The following DGKB variants were observed in gnomAD, a reference collection of about 807,000 sequenced individuals.
DGKB encodes diacylglycerol kinase beta, also known as 90 kDa diacylglycerol kinase.
DGKB carries 67 observed loss-of-function variants against 114.3 expected under a neutral mutation model. The observed-to-expected ratio is 0.59, with a 90% CI of 0.48 to 0.72. The LOEUF (loss-of-function observed/expected upper bound fraction) is 0.72. DGKB is among the 30% of genes least tolerant of loss of function. The pLI is 0.00. For synonymous variants in DGKB, 398 were observed against 323.1 expected, an observed-to-expected ratio of 1.23 and a Z score of -2.49; for missense variants, 907 against 975.2, an observed-to-expected ratio of 0.93 and a Z score of 0.93.
chr7:14,923,918 C>T (rs1164169980), intron 1 of DGKB, among the ~76,000 whole-genome samples: 3 of 143,564 alleles, frequency 2.1e-5, no homozygotes, highest in African/African-American at 8.1e-5. Context: ...TCTCTTGAAC[C>T]CGGGAGGCGG....
At chr7:14,193,763 A>G (rs1191133396) in intron 23 of DGKB, among the ~76,000 whole-genome samples, 1 of 151,854 alleles carries the variant, frequency 6.6e-6, no homozygotes, top group African/African-American at 2.4e-5. Flanking sequence ...TAACCTAGCA[A>G]ATGGGAGAAA....
intron 21 of DGKB, among the ~76,000 whole-genome samples, chr7:14,450,814 G>A (rs1018931201): frequency 2.6e-5 from 4 of 151,992 alleles, no homozygotes; most frequent in African/African-American, 9.6e-5. Flanking sequence ...TAGGTTGGAG[G>A]AAAAAAGCAC....
At chr7:14,665,151 TG>T (rs1490240118) in intron 13 of DGKB, among the ~76,000 whole-genome samples, 3 of 151,908 alleles carry the variant, frequency 2.0e-5, no homozygotes, top group Non-Finnish European at 2.9e-5. Flanking sequence ...GATATTGATA[TG>T]AAAAAAAGGC....
intron 14 of DGKB, among the ~76,000 whole-genome samples, chr7:14,626,813 T>C (rs568497852): frequency 6.6e-6 from 1 of 152,194 alleles, no homozygotes; most frequent in African/African-American, 2.4e-5. Flanking sequence ...CGATATAAGG[T>C]CTAAAGATTT....
At chr7:14,298,656 C>T (rs935368431) in intron 23 of DGKB, among the ~76,000 whole-genome samples, 1 of 152,124 alleles carries the variant, frequency 6.6e-6, no homozygotes, top group African/African-American at 2.4e-5. Flanking sequence ...ACTAAAACAC[C>T]AAAAGCAATG....
At chr7:14,768,740 G>C (rs755050456) in intron 2 of DGKB, among the ~76,000 whole-genome samples, 3 of 151,902 alleles carry the variant, frequency 2.0e-5, no homozygotes, top group Non-Finnish European at 4.4e-5. Context: ...AAAAATTTAG[G>C]GGAGGAGAAC....
At chr7:14,781,182 G>T (rs1839034627) in intron 2 of DGKB, among the ~76,000 whole-genome samples, 1 of 152,116 alleles carries the variant, frequency 6.6e-6, no homozygotes, top group Admixed American at 6.5e-5. Context: ...TTGAGCAAGG[G>T]GCCGACTAAC....
At chr7:14,772,315 C>T (rs1837538503) in intron 2 of DGKB, among the ~76,000 whole-genome samples, 1 of 151,944 alleles carries the variant, frequency 6.6e-6, no homozygotes. Flanking sequence ...GTCAACTGGG[C>T]TATGAAAAGA....
intron 20 of DGKB, among the ~76,000 whole-genome samples, chr7:14,480,628 T>G (rs1782846574): frequency 6.6e-6 from 1 of 152,180 alleles, no homozygotes; most frequent in Admixed American, 6.6e-5. Context: ...TCTGTCTGAA[T>G]GCATTACAGT....
chr7:14,759,967 A>G (rs115184847), intron 2 of DGKB, among the ~76,000 whole-genome samples: 186 of 152,282 alleles, frequency 1.2e-3, no homozygotes, highest in African/African-American at 4.0e-3. Context: ...GTGGATGTGA[A>G]ATGATTCGAC....
At chr7:14,651,571 C>T (rs1814502128) in intron 13 of DGKB, among the ~76,000 whole-genome samples, 1 of 145,140 alleles carries the variant, frequency 6.9e-6, no homozygotes, top group Admixed American at 7.0e-5. Context: ...TGGAAGCATT[C>T]CCTTTGAAAA....
chr7:14,194,123 A>G (rs1784698941), intron 23 of DGKB, among the ~76,000 whole-genome samples: 1 of 152,168 alleles, frequency 6.6e-6, no homozygotes, highest in African/African-American at 2.4e-5. Context: ...TACAACCATT[A>G]TGGAAAACAG....
At chr7:14,471,690 A>G (rs577828166) in intron 21 of DGKB, among the ~76,000 whole-genome samples, 70 of 152,176 alleles carry the variant, frequency 4.6e-4, no homozygotes, top group Middle Eastern at 3.4e-3. Flanking sequence ...ATAGTTATGT[A>G]GAATGAAGAC....
Position 14,825,117 on chromosome 7 carries a change from T to C in DGKB, c.70+16077A>G, listed in dbSNP as rs1019531278. 9.4e-5 allele frequency among the ~76,000 whole-genome samples: 14 copies of C among 149,430 alleles called. No homozygotes were observed. The Admixed American group carries it at 9.4e-4, about 10-fold the overall frequency. ...TTAATTTATCAATACTGTTGTTCTA[T>C]ATGTGTTCCTGAGTGGTGTGAAATG... On this transcript the variant is annotated intron_variant, in intron 2 of 25. Transcript: ENST00000402815.
At chr7:14,486,796 C>A (rs1783877639) in intron 20 of DGKB, among the ~76,000 whole-genome samples, 1 of 152,060 alleles carries the variant, frequency 6.6e-6, no homozygotes, top group Admixed American at 6.6e-5. Flanking sequence ...CTAAAAAGCA[C>A]CAGTACCAAA....
intron 1 of DGKB, among the ~76,000 whole-genome samples, chr7:14,969,151 T>G (rs1263857219): frequency 6.6e-6 from 1 of 152,196 alleles, no homozygotes; most frequent in African/African-American, 2.4e-5. Context: ...TATTACCGTC[T>G]GTCAGTTTTT....
intron 20 of DGKB, among the ~76,000 whole-genome samples, chr7:14,522,468 T>A (rs1789946979): frequency 6.6e-6 from 1 of 152,196 alleles, no homozygotes; most frequent in Non-Finnish European, 1.5e-5. Context: ...ACACTCATAC[T>A]AACGAAATTG....
intron 1 of DGKB, among the ~76,000 whole-genome samples, chr7:14,892,952 ATGTGTG>A (rs963871523): frequency 7.1e-6 from 1 of 140,110 alleles, no homozygotes; most frequent in Non-Finnish European, 1.6e-5. Flanking sequence ...ACACACACAT[ATGTGTG>A]TGTATATATA....
At chr7:14,203,983 C>A (rs572365426) in intron 23 of DGKB, among the ~76,000 whole-genome samples, 1 of 151,912 alleles carries the variant, frequency 6.6e-6, no homozygotes, top group Non-Finnish European at 1.5e-5. Context: ...CCTCCCCCAG[C>A]GAATTAATTG....
Sources: allele counts gnomAD v4.1 joint callset (sites outside exome capture counted in the v4.1 genomes callset), GRCh38; gene constraint gnomAD v4.1.1; transcripts MANE v1.5; gene names NCBI Gene and HGNC (gene_info 2026-07-23, HGNC 2026-07-21).